The following PNPT1 variants were observed in gnomAD, a reference collection of about 807,000 sequenced individuals.
The protein encoded by PNPT1 is polyribonucleotide nucleotidyltransferase 1, mitochondrial.
A neutral mutation model predicts 119.5 loss-of-function variants in PNPT1; 53 were observed. The ratio of observed to expected loss-of-function variants is 0.44; its 90% CI spans 0.36 to 0.56. The LOEUF is 0.56. PNPT1 is among the 20% of genes least tolerant of loss of function. The probability of loss-of-function intolerance (pLI) is 0.00; values close to 1 mark genes in which losing one functional copy is unlikely to be tolerated. For missense variants in PNPT1, 948 were observed against 938.5 expected, an observed-to-expected ratio of 1.01 and a Z score of -0.13; for synonymous variants, 357 against 322.1, an observed-to-expected ratio of 1.11 and a Z score of -1.16.
chr2:55,682,518 C>T (rs928402674), intron 5 of PNPT1, among the ~76,000 whole-genome samples: 7 of 151,844 alleles, frequency 4.6e-5, no homozygotes, highest in African/African-American at 7.3e-5. Context: ...ACTGCAATAA[C>T]GTGCCCATGT....
At chr2:55,663,074 T>C (rs61633044) in intron 13 of PNPT1, among the ~76,000 whole-genome samples, 2 of 152,068 alleles carry the variant, frequency 1.3e-5, no homozygotes, top group Non-Finnish European at 2.9e-5. Flanking sequence ...TTAGTAGAGA[T>C]GGGGTTTCAC....
intron 18 of PNPT1, among the ~76,000 whole-genome samples, chr2:55,650,907 C>T (rs1446003696): frequency 1.3e-5 from 2 of 150,102 alleles, no homozygotes; most frequent in Non-Finnish European, 3.0e-5. Context: ...GGGGGGTCAG[C>T]CCCCCGCCCG....
chr2:55,671,812 G>A (rs1019098637), intron 10 of PNPT1, among the ~76,000 whole-genome samples, 183 bp downstream of exon 10: 1 of 152,152 alleles, frequency 6.6e-6, no homozygotes, highest in Non-Finnish European at 1.5e-5. Flanking sequence ...GGGCGACAGA[G>A]AGAGACTCTG....
intron 5 of PNPT1, among the ~76,000 whole-genome samples, chr2:55,682,182 C>G (rs1165514276): frequency 6.6e-6 from 1 of 151,826 alleles, no homozygotes; most frequent in Non-Finnish European, 1.5e-5. Flanking sequence ...TTTCTGTTGG[C>G]CAGGTGCAGT....
At chr2:55,692,830 A>T (rs1697659740) in intron 1 of PNPT1, among the ~76,000 whole-genome samples, 1 of 152,088 alleles carries the variant, frequency 6.6e-6, no homozygotes, top group Non-Finnish European at 1.5e-5. Flanking sequence ...TTGTACTCCT[A>T]ACTTCAAGTC....
chr2:55,655,661 C>T (rs1696363033), intron 17 of PNPT1, among the ~76,000 whole-genome samples: 1 of 152,212 alleles, frequency 6.6e-6, no homozygotes, highest in Admixed American at 6.5e-5. Flanking sequence ...GTCTGTTACA[C>T]CTTTAAGAAC....
chr2:55,691,958 C>T (rs1319872609), intron 1 of PNPT1, among the ~76,000 whole-genome samples: 4 of 143,864 alleles, frequency 2.8e-5, no homozygotes, highest in African/African-American at 1.0e-4. Context: ...ACGATCTCTG[C>T]CACTGCAACC....
intron 23 of PNPT1, among the ~76,000 whole-genome samples, 196 bp downstream of exon 23, chr2:55,644,439 AGT>A (rs1236451611): frequency 2.6e-5 from 4 of 152,198 alleles, no homozygotes; most frequent in African/African-American, 9.6e-5. Context: ...TCTTGAATTT[AGT>A]TAAGAATGAC....
At chr2:55,638,779 CTTT>C (rs540375374) in intron 26 of PNPT1, among the ~76,000 whole-genome samples, 1 of 146,228 alleles carries the variant, frequency 6.8e-6, no homozygotes, top group South Asian at 2.2e-4. Flanking sequence ...TTAAGGACAT[CTTT>C]TTTTTTTTTT....
At position 55,667,723 on chromosome 2, in the gene PNPT1, G is replaced by A. The variant is rs185893564; in HGVS notation, c.1073+139C>T. The A allele has an allele frequency of 2.1e-3, 2,342 of 1,127,284 alleles. 10 individuals are homozygous for A. Among genetic ancestry groups the A allele is most frequent in the Non-Finnish European group, 1.7e-3 (1,407 of 818,176 alleles). 69.8% of individuals were successfully genotyped at this position (1,127,284 alleles called of 1,614,324 possible). The stretch of plus-strand genomic sequence containing the variant: ...ATCATGTACTTTTTCTTCAATAGGT[G>A]TCCATTTATATAGCAAATATTATAA... On this transcript the variant is annotated intron_variant, in intron 12 of 27. Transcript: ENST00000447944.
rs2104127746 is a variant in PNPT1, at chr2:55,673,091, A to T, written c.680-12T>A. The T allele has an allele frequency of 6.5e-7, 1 of 1,533,522 alleles. No homozygotes were observed. The highest frequency in any genetic ancestry group is 2.4e-5 in the East Asian group (1 of 42,108). The allele number at this position is 1,533,522 out of a possible 1,614,324, so 95.0% of individuals were successfully genotyped here. On this transcript the variant is annotated splice_polypyrimidine_tract_variant and intron_variant, in intron 8 of 27. Coordinates refer to ENST00000447944, the MANE Select transcript of PNPT1 (RefSeq NM_033109.5). ...GGCTTCCAACATGACTATTTAAAGGAAAAAGAAAAAAAAAATGACTGCCAT... is the reference window on the plus strand; with the variant it reads ...GGCTTCCAACATGACTATTTAAAGGTAAAAGAAAAAAAAAATGACTGCCAT...
At chr2:55,637,683 A>T (rs1695717149) in intron 26 of PNPT1, 84 bp from the exon 27 acceptor site, 1 of 1,221,576 alleles carries the variant, frequency 8.2e-7, no homozygotes, top group Middle Eastern at 2.0e-4. Flanking sequence ...CTCAAGCTTT[A>T]TTAGTTTTTC....
intron 14 of PNPT1, among the ~76,000 whole-genome samples, chr2:55,661,525 A>G (rs764934269): frequency 1.3e-4 from 20 of 152,212 alleles, no homozygotes; most frequent in Non-Finnish European, 2.5e-4. Context: ...TTCTGAACAC[A>G]AAATCACAAC....
intron 15 of PNPT1, among the ~76,000 whole-genome samples, 195 bp downstream of exon 15, chr2:55,659,962 A>G (rs965693025): frequency 2.0e-5 from 3 of 152,066 alleles, no homozygotes; most frequent in Non-Finnish European, 4.4e-5. Context: ...AAATTAGCCA[A>G]TTGTGGTTGC....
intron 15 of PNPT1, among the ~76,000 whole-genome samples, chr2:55,656,850 T>C (rs1287665497): frequency 1.3e-5 from 2 of 152,190 alleles, no homozygotes; most frequent in Non-Finnish European, 2.9e-5. Flanking sequence ...AATGGGAAAG[T>C]TGCATATTTT....
rs755518580 is a variant in PNPT1, at chr2:55,672,976, C to A, written c.783G>T (p.Gln261His). The A allele has an allele frequency of 1.2e-6, 2 of 1,613,560 alleles. No homozygotes were observed. The highest frequency in any genetic ancestry group is 1.7e-6 in the Non-Finnish European group (2 of 1,179,876). ...TGGTAACACCAGTTTCTTTTACCAACTGCTGAATGCCCTGAATTATTTGTT... is the reference window on the plus strand; with the variant it reads ...TGGTAACACCAGTTTCTTTTACCAAATGCTGAATGCCCTGAATTATTTGTT... Reference protein sequence around the residue: ...YTQQIIQGIQQLVKETGVTKR... With the variant: ...YTQQIIQGIQHLVKETGVTKR... The change falls in exon 9 of 28, where the codon CAG becomes CAT. Residue 261 changes from glutamine (Q) to histidine (H), a missense_variant. Transcript: ENST00000447944.
At position 55,634,219 on chromosome 2, in the gene PNPT1, T is replaced by A. The variant is rs949679487; in HGVS notation, c.*2018A>T. 1 of 151,982 alleles carries A rather than the reference T, an allele frequency of 6.6e-6. No homozygotes were observed. The highest frequency in any genetic ancestry group is 2.4e-5 in the African/African-American group (1 of 41,368). 9.4% of individuals were successfully genotyped at this position (151,982 alleles called of 1,614,324 possible). On this transcript the variant is annotated 3_prime_UTR_variant, in exon 28 of 28. Coordinates refer to ENST00000447944, the MANE Select transcript of PNPT1 (RefSeq NM_033109.5). The stretch of plus-strand genomic sequence containing the variant: ...TCTTTGGTTTAGCCAGATAAATTTG[T>A]AATATTTTATGAACTAGTTAACCCT...
At chr2:55,659,265 A>G (rs1163284867) in intron 15 of PNPT1, among the ~76,000 whole-genome samples, 1 of 152,160 alleles carries the variant, frequency 6.6e-6, no homozygotes, top group Non-Finnish European at 1.5e-5. Flanking sequence ...CTCCATGTAC[A>G]TTCTTCAAAT....
intron 3 of PNPT1, among the ~76,000 whole-genome samples, chr2:55,685,957 C>T (rs986235678): frequency 3.9e-5 from 6 of 152,104 alleles, no homozygotes. Flanking sequence ...AAAGTCTGTA[C>T]ATATTCAGTA....
Sources: allele counts gnomAD v4.1 joint callset (sites outside exome capture counted in the v4.1 genomes callset), GRCh38; gene constraint gnomAD v4.1.1; transcripts MANE v1.5; gene names NCBI Gene and HGNC (gene_info 2026-07-23, HGNC 2026-07-21).